RYR2: variants seen among roughly 807,000 people sequenced by gnomAD.
The protein encoded by RYR2 is ryanodine receptor 2.
RYR2 carries 227 observed loss-of-function variants against 601.1 expected under a neutral mutation model. The observed-to-expected ratio is 0.38, with a 90% confidence interval of 0.34 to 0.42. The LOEUF is 0.42. Ranked by LOEUF, RYR2 falls within the 10% of genes least tolerant of loss-of-function variation. The pLI is 1.00. For synonymous variants in RYR2, 2,223 were observed against 2,175.1 expected (o/e 1.02, Z -0.61); for missense variants, 4,646 against 6,156.5 (o/e 0.75, Z 8.21).
chr1:237,376,689 A>G (rs1161600991), intron 7 of RYR2, among the ~76,000 whole-genome samples: 3 of 152,196 alleles, frequency 2.0e-5, no homozygotes, highest in Admixed American at 6.5e-5. Flanking sequence ...GACTTGTGCT[A>G]GAAGAAATTG....
At chr1:237,584,402 A>G (rs1028055782) in intron 29 of RYR2, among the ~76,000 whole-genome samples, 3 of 152,168 alleles carry the variant, frequency 2.0e-5, no homozygotes, top group Non-Finnish European at 2.9e-5. Flanking sequence ...GTGGTATACA[A>G]TGGTAACTAG....
chr1:237,252,217 G>A (rs1687530920), intron 1 of RYR2, among the ~76,000 whole-genome samples: 1 of 151,928 alleles, frequency 6.6e-6, no homozygotes, highest in Non-Finnish European at 1.5e-5. Flanking sequence ...GGTCTACCCT[G>A]CCTGGTCTCT....
At chr1:237,588,533 A>T in intron 29 of RYR2, among the ~76,000 whole-genome samples, 1 of 152,162 alleles carries the variant, frequency 6.6e-6, no homozygotes, top group East Asian at 1.9e-4. Context: ...CATGTAAAAC[A>T]TTACAGGAAG....
chr1:237,102,388 C>T lies in RYR2; in HGVS notation c.48+59819C>T, dbSNP rs370979445. 9.2e-5 allele frequency among the ~76,000 whole-genome samples: 14 copies of T among 152,282 alleles called. No homozygotes were observed. In the East Asian group the frequency reaches 1.2e-3, roughly 13 times the overall value. ...CAGGCACACACACATACACAGCAGC[C>T]GTCCTCTTGTTGAATGCCTCTTCTC... On this transcript the variant is annotated intron_variant, in intron 1 of 104. Coordinates refer to ENST00000366574, the MANE Select transcript of RYR2 (RefSeq NM_001035.3).
At chr1:237,664,273 C>T (rs1684080483) in intron 56 of RYR2, among the ~76,000 whole-genome samples, 1 of 152,196 alleles carries the variant, frequency 6.6e-6, no homozygotes, top group African/African-American at 2.4e-5. Context: ...ATTCCTTCAA[C>T]AGATACTTAT....
At chr1:237,687,532 C>T (rs1686537943) in intron 63 of RYR2, 28 bp downstream of exon 63, 6 of 1,571,462 alleles carry the variant, frequency 3.8e-6, no homozygotes, top group African/African-American at 2.7e-5. Context: ...AAAATACAAG[C>T]ATGGCCATCA....
chr1:237,153,511 A>G (rs1034211523), intron 1 of RYR2, among the ~76,000 whole-genome samples: 3 of 152,178 alleles, frequency 2.0e-5, no homozygotes, highest in African/African-American at 7.2e-5. Flanking sequence ...TGGTGCACTG[A>G]TGCAATACAT....
intron 71 of RYR2, among the ~76,000 whole-genome samples, chr1:237,714,488 C>G (rs1359095432): frequency 6.6e-6 from 1 of 152,162 alleles, no homozygotes; most frequent in African/African-American, 2.4e-5. Context: ...CCATTTTATG[C>G]AGCCATAGCA....
chr1:237,443,473 C>T (rs756214552), intron 13 of RYR2, among the ~76,000 whole-genome samples: 1 of 152,070 alleles, frequency 6.6e-6, no homozygotes, highest in Non-Finnish European at 1.5e-5. Flanking sequence ...TGTGTTGTGT[C>T]TTTTAACTTG....
At chr1:237,052,702 G>T (rs925616343) in intron 1 of RYR2, among the ~76,000 whole-genome samples, 1 of 149,028 alleles carries the variant, frequency 6.7e-6, no homozygotes, top group Non-Finnish European at 1.5e-5. Flanking sequence ...CAAGAACAGG[G>T]TTTTTTTTTT....
At chr1:237,093,160 C>A (rs1454000725) in intron 1 of RYR2, among the ~76,000 whole-genome samples, 2 of 152,098 alleles carry the variant, frequency 1.3e-5, no homozygotes, top group East Asian at 3.9e-4. Context: ...ATTTAAATAC[C>A]CACAGGAGGC....
intron 80 of RYR2, among the ~76,000 whole-genome samples, chr1:237,748,594 A>G (rs1692279266): frequency 6.6e-6 from 1 of 152,204 alleles, no homozygotes; most frequent in Admixed American, 6.5e-5. Context: ...CTGGCTCAGA[A>G]GCAAGGCAAG....
intron 1 of RYR2, among the ~76,000 whole-genome samples, chr1:237,070,178 G>A (rs186413696): frequency 2.0e-5 from 3 of 151,996 alleles, no homozygotes; most frequent in East Asian, 1.9e-4. Context: ...CTACAGGTGT[G>A]AGCCACCATG....
At chr1:237,358,765 G>T (rs1699522528) in intron 4 of RYR2, among the ~76,000 whole-genome samples, 1 of 151,980 alleles carries the variant, frequency 6.6e-6, no homozygotes, top group African/African-American at 2.4e-5. Context: ...TCCAGGCATA[G>T]TAAGACACCA....
intron 1 of RYR2, among the ~76,000 whole-genome samples, chr1:237,187,784 A>T (rs1398980223): frequency 6.6e-6 from 1 of 152,150 alleles, no homozygotes; most frequent in Non-Finnish European, 1.5e-5. Flanking sequence ...CTGGACAGAA[A>T]GCAGATGGCA....
At chr1:237,481,499 A>G (rs1436071816) in intron 17 of RYR2, among the ~76,000 whole-genome samples, 2 of 152,162 alleles carry the variant, frequency 1.3e-5, no homozygotes, top group African/African-American at 4.8e-5. Flanking sequence ...AACTCTTGCT[A>G]TTTGTTTTGG....
At chr1:237,744,005 A>C (rs1223935529) in intron 80 of RYR2, among the ~76,000 whole-genome samples, 1 of 152,210 alleles carries the variant, frequency 6.6e-6, no homozygotes, top group Non-Finnish European at 1.5e-5. Context: ...TTGAAAACAG[A>C]CATGATAAAT....
intron 25 of RYR2, among the ~76,000 whole-genome samples, chr1:237,538,766 G>A (rs1489778074): frequency 2.8e-5 from 3 of 106,490 alleles, no homozygotes; most frequent in South Asian, 4.1e-4. Context: ...GTGAGACTCC[G>A]TCACAATAAA....
At chr1:237,754,154 GT>G (rs56194528) in intron 80 of RYR2, among the ~76,000 whole-genome samples, 55,414 of 142,172 alleles carry the variant, frequency 0.39, 12,196 homozygotes, top group African/African-American at 0.64. Context: ...TTGGCTCAAT[GT>G]TTTTTTTTTT....
Sources: allele counts gnomAD v4.1 joint callset (sites outside exome capture counted in the v4.1 genomes callset), GRCh38; gene constraint gnomAD v4.1.1; transcripts MANE v1.5; gene names NCBI Gene and HGNC (gene_info 2026-07-23, HGNC 2026-07-21).